SLIT2: variants seen among roughly 807,000 people sequenced by gnomAD.
The protein encoded by SLIT2 is slit guidance ligand 2, also known as slit homolog 2 protein.
In SLIT2, 41 loss-of-function variants were observed where a neutral mutation model predicts 185.7. That is an observed-to-expected ratio of 0.22 (90% CI 0.17 to 0.29). SLIT2 has a LOEUF of 0.29. Ranked by LOEUF, SLIT2 falls within the 10% of genes least tolerant of loss-of-function variation. SLIT2 has a pLI of 1.00. For missense variants in SLIT2, 1,571 were observed against 1,909.0 expected (o/e 0.82, Z 3.30); for synonymous variants, 693 against 680.2 (o/e 1.02, Z -0.29).
chr4:20,268,775 A>C (rs765024944), intron 3 of SLIT2, 35 bp from the exon 4 acceptor site: 1 of 1,394,268 alleles, frequency 7.2e-7, no homozygotes, highest in Admixed American at 1.7e-5. Flanking sequence ...GGTATTTTCT[A>C]TGTAACATAA....
chr4:20,618,716 A>G (rs1406993778), intron 36 of SLIT2, 52 bp from the exon 37 acceptor site: 2 of 1,512,382 alleles, frequency 1.3e-6, no homozygotes, highest in Non-Finnish European at 1.8e-6. Flanking sequence ...GTCACTCTGC[A>G]TGACTTACAG....
At chr4:20,608,176 A>G (rs1036045499) in intron 33 of SLIT2, among the ~76,000 whole-genome samples, 3 of 152,092 alleles carry the variant, frequency 2.0e-5, no homozygotes, top group South Asian at 2.1e-4. Context: ...TCTTTCAGTC[A>G]TTTTACATAG....
intron 4 of SLIT2, among the ~76,000 whole-genome samples, chr4:20,442,742 T>C (rs1397553836): frequency 6.6e-6 from 1 of 152,014 alleles, no homozygotes; most frequent in East Asian, 1.9e-4. Context: ...AGATTTACCT[T>C]GAGAGTAAAG....
chr4:20,409,628 G>A (rs1198286598), intron 4 of SLIT2, among the ~76,000 whole-genome samples: 2 of 152,070 alleles, frequency 1.3e-5, no homozygotes, highest in African/African-American at 4.8e-5. Flanking sequence ...CTGCCTCTAG[G>A]TTTTTGAGGA....
intron 4 of SLIT2, among the ~76,000 whole-genome samples, chr4:20,401,248 G>T (rs1726335708): frequency 6.6e-6 from 1 of 151,902 alleles, no homozygotes; most frequent in African/African-American, 2.4e-5. Flanking sequence ...TGTCTTGAAA[G>T]AACGTTGTCT....
chr4:20,349,675 C>T (rs1387558468), intron 4 of SLIT2, among the ~76,000 whole-genome samples: 1 of 152,156 alleles, frequency 6.6e-6, no homozygotes, highest in Non-Finnish European at 1.5e-5. Flanking sequence ...CTTTTGTGCA[C>T]AGATTGAGAA....
intron 4 of SLIT2, among the ~76,000 whole-genome samples, chr4:20,336,215 A>C (rs886448474): frequency 6.6e-6 from 1 of 152,164 alleles, no homozygotes; most frequent in Non-Finnish European, 1.5e-5. Flanking sequence ...TTCCATTTTA[A>C]TGAGCTGAAA....
intron 4 of SLIT2, among the ~76,000 whole-genome samples, chr4:20,290,465 G>C (rs1263584790): frequency 6.6e-6 from 1 of 152,182 alleles, no homozygotes; most frequent in Non-Finnish European, 1.5e-5. Context: ...GATGTGTTAG[G>C]TTCTATTCAA....
intron 12 of SLIT2, among the ~76,000 whole-genome samples, chr4:20,519,991 G>A (rs924723686): frequency 3.1e-5 from 4 of 128,484 alleles, no homozygotes; most frequent in African/African-American, 1.2e-4. Flanking sequence ...CAGAGATCGC[G>A]CCACTGCACT....
In SLIT2 at chr4:20,576,242, A is replaced by C. The variant is rs556230257; in HGVS notation, c.3088+7238A>C. 7.2e-5 allele frequency among the ~76,000 whole-genome samples: 11 copies of C among 152,328 alleles called. No homozygotes were observed. In the East Asian group the frequency reaches 2.1e-3, roughly 29 times the overall value. ...GGAATTCTTTATTCAATTTTTTATA[A>C]AGAAAATTACCTAAGGTAAATTATG... On this transcript the variant is annotated intron_variant, in intron 29 of 36. Coordinates refer to ENST00000504154, the MANE Select transcript of SLIT2 (RefSeq NM_004787.4).
chr4:20,598,425 GA>G (rs1007144999), intron 33 of SLIT2, 30 bp downstream of exon 33: 6 of 1,610,426 alleles, frequency 3.7e-6, no homozygotes, highest in Non-Finnish European at 5.1e-6. Context: ...GGGTAAAGGT[GA>G]AAAAAATTGC....
At chr4:20,450,356 T>C (rs1442826867) in intron 4 of SLIT2, among the ~76,000 whole-genome samples, 3 of 152,172 alleles carry the variant, frequency 2.0e-5, no homozygotes, top group Non-Finnish European at 4.4e-5. Context: ...TTAAAAACAG[T>C]TTTTCTTATA....
intron 4 of SLIT2, among the ~76,000 whole-genome samples, chr4:20,381,267 A>T (rs1000584573): frequency 6.6e-6 from 1 of 152,034 alleles, no homozygotes; most frequent in Non-Finnish European, 1.5e-5. Context: ...ATAAAAAAAA[A>T]CAAATAAAAT....
intron 4 of SLIT2, among the ~76,000 whole-genome samples, chr4:20,342,716 A>G (rs910008186): frequency 1.5e-5 from 1 of 68,394 alleles, no homozygotes; most frequent in Non-Finnish European, 2.8e-5. Flanking sequence ...CGACTATCGC[A>G]CTTTTTTTTT....
At chr4:20,416,509 A>T (rs973367000) in intron 4 of SLIT2, among the ~76,000 whole-genome samples, 1 of 152,148 alleles carries the variant, frequency 6.6e-6, no homozygotes, top group African/African-American at 2.4e-5. Context: ...AATTTAATCC[A>T]TAAAACCCTC....
chr4:20,346,022 C>CT (rs1179616758), intron 4 of SLIT2, among the ~76,000 whole-genome samples: 1 of 152,038 alleles, frequency 6.6e-6, no homozygotes, highest in African/African-American at 2.4e-5. Flanking sequence ...GAGACAGAGT[C>CT]TTTCTCTGCC....
chr4:20,467,821 T>A lies in SLIT2; in HGVS notation c.465T>A (p.Asn155Lys). 6.5e-7 allele frequency: 1 copy of A among 1,544,518 alleles called. No homozygotes were observed. The highest frequency in any genetic ancestry group is 8.9e-7 in the Non-Finnish European group (1 of 1,127,580). Residue 155 changes from asparagine to lysine, a missense_variant and splice_region_variant, in exon 5 of 37, where the codon AAT becomes AAA. Physicochemically the swap from Asn to Lys is moderately conservative, Grantham distance 94. Transcript: ENST00000504154. ...TCCGTGGGGCAGTTGACATAAAAAA[T>A]TTGTAAGTATCTATTTTTAAATTTA... ...KAFRGAVDIK[N>K]LQLDYNQISC...
At chr4:20,549,027 TA>T in intron 23 of SLIT2, 29 bp from the exon 24 acceptor site, 1 of 1,390,864 alleles carries the variant, frequency 7.2e-7, no homozygotes, top group Non-Finnish European at 1.0e-6. Context: ...GATTTCTGAA[TA>T]AAACAAATTG....
At position 20,254,266 on chromosome 4, in the gene SLIT2, C is replaced by A. The variant is rs1711523243; in HGVS notation, c.179+272C>A. 6.6e-6 allele frequency among the ~76,000 whole-genome samples: 1 copy of A among 152,146 alleles called. No individual in the cohort carries two copies. The highest frequency in any genetic ancestry group is 2.1e-4 in the South Asian group (1 of 4,828). On this transcript the variant is annotated intron_variant, in intron 1 of 36. Transcript: ENST00000504154. The surrounding 1 kb of genome is among the most constrained non-coding windows in gnomAD (Gnocchi z 5.1). ...CTCCTTGCTGGCTAGTTCTCTGGGG[C>A]TGGGGAGCGGGTAGATAGGGGACAA...
Sources: gnomAD v4.1 joint callset for allele counts (sites outside exome capture counted in the v4.1 genomes callset) on GRCh38, gnomAD v4.1.1 for gene constraint, Gnocchi (gnomAD v3.1) non-coding constraint, MANE v1.5 for transcripts, NCBI Gene and HGNC (gene_info 2026-07-23, HGNC 2026-07-21) for gene names.